The following LOXHD1 variants were observed in gnomAD, a reference collection of about 807,000 sequenced individuals.
LOXHD1 encodes lipoxygenase homology domain-containing protein 1.
Under a neutral mutation model 248.2 loss-of-function variants are expected in LOXHD1, and 205 were observed. The observed-to-expected ratio is 0.83, with a 90% CI of 0.74 to 0.93. The LOEUF is 0.93. Among genes scored for constraint, LOXHD1 ranks in the 40% least tolerant of loss-of-function variants. The probability of loss-of-function intolerance (pLI) is 0.00; values close to 1 mark genes in which losing one functional copy is unlikely to be tolerated. For missense variants in LOXHD1, 2,930 were observed against 2,971.6 expected (o/e 0.99, Z 0.33); for synonymous variants, 1,113 against 1,162.8 (o/e 0.96, Z 0.87).
At chr18:46,487,666 T>C (rs750692772) in intron 38 of LOXHD1, among the ~76,000 whole-genome samples, 5 of 152,172 alleles carry the variant, frequency 3.3e-5, no homozygotes, top group Non-Finnish European at 5.9e-5. Context: ...TTCCCTTCCA[T>C]GGAAGCTATT....
intron 38 of LOXHD1, among the ~76,000 whole-genome samples, chr18:46,488,434 G>T (rs1440397779): frequency 6.6e-6 from 1 of 152,204 alleles, no homozygotes; most frequent in African/African-American, 2.4e-5. Context: ...CTCTGCCTTT[G>T]ACAAGCCTCT....
At chr18:46,492,337 G>A (rs2033546113) in intron 37 of LOXHD1, among the ~76,000 whole-genome samples, 2 of 152,196 alleles carry the variant, frequency 1.3e-5, no homozygotes, top group Non-Finnish European at 1.5e-5. Flanking sequence ...AAGAAAAGAG[G>A]TTTAATTGAC....
At chr18:46,543,650 C>T (rs969605629) in intron 23 of LOXHD1, among the ~76,000 whole-genome samples, 4 of 152,152 alleles carry the variant, frequency 2.6e-5, no homozygotes, top group African/African-American at 7.2e-5. Flanking sequence ...TCACAGTGGG[C>T]ACTTTTTTGG....
chr18:46,591,363 GC>G (rs2038164613), intron 12 of LOXHD1, among the ~76,000 whole-genome samples: 2 of 152,176 alleles, frequency 1.3e-5, no homozygotes, highest in Admixed American at 6.5e-5. Flanking sequence ...AGTAATGTCT[GC>G]CATGTGAAAA....
chr18:46,526,410 G>A (rs2035832587), intron 29 of LOXHD1, among the ~76,000 whole-genome samples: 1 of 152,242 alleles, frequency 6.6e-6, no homozygotes, highest in Admixed American at 6.5e-5. Context: ...CCAAGGGCAA[G>A]TTAAAGCAGT....
At chr18:46,522,675 C>T (rs1433539520) in intron 31 of LOXHD1, among the ~76,000 whole-genome samples, 1 of 152,132 alleles carries the variant, frequency 6.6e-6, no homozygotes, top group African/African-American at 2.4e-5. Context: ...AAAAAGCTCC[C>T]TATGGTCAAC....
chr18:46,584,232 AG>A (rs1242743844), intron 12 of LOXHD1, among the ~76,000 whole-genome samples: 11 of 152,002 alleles, frequency 7.2e-5, no homozygotes, highest in South Asian at 2.1e-4. Flanking sequence ...TGGGGAAAGG[AG>A]GGGGGAGGAG....
chr18:46,541,681 C>T, intron 25 of LOXHD1, 95 bp downstream of exon 25: 1 of 1,415,522 alleles, frequency 7.1e-7, no homozygotes, highest in Non-Finnish European at 9.7e-7. Flanking sequence ...TGGGCCTGGC[C>T]CACAGTCAAT....
At chr18:46,630,600 A>G (rs545862016) in intron 4 of LOXHD1, among the ~76,000 whole-genome samples, 1 of 152,294 alleles carries the variant, frequency 6.6e-6, no homozygotes, top group African/African-American at 2.4e-5. Context: ...TCATTCTTCA[A>G]TACTGCCCCA....
intron 6 of LOXHD1, among the ~76,000 whole-genome samples, chr18:46,608,843 A>G (rs552356044): frequency 6.6e-6 from 1 of 152,194 alleles, no homozygotes; most frequent in Non-Finnish European, 1.5e-5. Context: ...GCCCTCAAGG[A>G]ACTTTCAGAC....
In LOXHD1 at chr18:46,657,139, T is replaced by C; in HGVS notation, c.-106A>G. 1 of 1,527,268 alleles carries C rather than the reference T, an allele frequency of 6.5e-7. No homozygotes were observed. Among genetic ancestry groups the C allele is most frequent in the Non-Finnish European group, 8.8e-7 (1 of 1,134,200 alleles). The allele number at this position is 1,527,268 out of a possible 1,614,324, so 94.6% of individuals were successfully genotyped here. A position where few individuals can be genotyped will look rare whatever the true frequency, so the allele number is the denominator to read the frequency against. On this transcript the variant is annotated 5_prime_UTR_variant, in exon 1 of 41. It adds an upstream start codon to the 5' untranslated region. Coordinates refer to ENST00000642948, the MANE Select transcript of LOXHD1 (RefSeq NM_001384474.1). ...TGAGCTCTGGCGCCCACGGCCCTCC[T>C]ATAGCTCAGGCCTGGGTGGGCCAGA... is the stretch of plus-strand genomic sequence containing the variant.
chr18:46,615,850 G>C (rs536346991), intron 5 of LOXHD1, among the ~76,000 whole-genome samples: 4 of 152,162 alleles, frequency 2.6e-5, no homozygotes, highest in African/African-American at 9.6e-5. Context: ...GTTAATTTTT[G>C]CTTCATATCT....
intron 4 of LOXHD1, among the ~76,000 whole-genome samples, chr18:46,637,615 C>T (rs1362450953): frequency 1.3e-5 from 2 of 152,160 alleles, no homozygotes; most frequent in Non-Finnish European, 2.9e-5. Context: ...CTCTCTCTCT[C>T]TCATACTCAC....
At chr18:46,517,095 A>C (rs1481965094) in intron 34 of LOXHD1, among the ~76,000 whole-genome samples, 1 of 152,156 alleles carries the variant, frequency 6.6e-6, no homozygotes, top group Non-Finnish European at 1.5e-5. Context: ...CTGTGTGTTC[A>C]GAGGCAAGTT....
In LOXHD1 at chr18:46,604,998, CA is replaced by C. The variant is rs879384374; in HGVS notation, c.760-770del. 2.0e-5 allele frequency among the ~76,000 whole-genome samples: 3 copies of C among 151,966 alleles called. No individual in the cohort carries two copies. In the South Asian group the frequency reaches 6.2e-4, roughly 32 times the overall value. ...TCATGTTATATACCTTAAATATACA[CA>C]AAAAAATTTATTTTAAAAATTCGAT... On this transcript the variant is annotated intron_variant, in intron 6 of 40. Coordinates refer to ENST00000642948, the MANE Select transcript of LOXHD1 (RefSeq NM_001384474.1).
chr18:46,563,978 C>A (rs899552084), intron 17 of LOXHD1, among the ~76,000 whole-genome samples: 1 of 151,792 alleles, frequency 6.6e-6, no homozygotes, highest in Non-Finnish European at 1.5e-5. Context: ...CTACAAAAGA[C>A]GAAAAGCAAT....
chr18:46,628,745 C>T (rs530347344), intron 4 of LOXHD1, among the ~76,000 whole-genome samples: 4 of 152,214 alleles, frequency 2.6e-5, no homozygotes, highest in Non-Finnish European at 5.9e-5. Context: ...ACAAGCACCA[C>T]GCTATTGTGT....
chr18:46,496,576 C>T (rs1433182881), intron 37 of LOXHD1, among the ~76,000 whole-genome samples: 1 of 152,114 alleles, frequency 6.6e-6, no homozygotes, highest in Non-Finnish European at 1.5e-5. Context: ...CATGTTTAGC[C>T]ATCTTAGCTT....
rs780643242 is a variant in LOXHD1, at chr18:46,559,640, G to C, written c.3062-38C>G. The C allele has an allele frequency of 7.1e-6, 11 of 1,545,280 alleles. No individual in the cohort carries two copies. In the South Asian group the frequency reaches 9.6e-5, roughly 13 times the overall value. On this transcript the variant is annotated intron_variant, in intron 19 of 40. Coordinates refer to ENST00000642948, the MANE Select transcript of LOXHD1 (RefSeq NM_001384474.1). ...AAAGATGCAGTGTGGAGGGCCTCAT[G>C]GCCATGGGGTGTTTGGACCTGAGGC...
Sources: allele counts gnomAD v4.1 joint callset (sites outside exome capture counted in the v4.1 genomes callset), GRCh38; gene constraint gnomAD v4.1.1; transcripts MANE v1.5; gene names NCBI Gene and HGNC (gene_info 2026-07-23, HGNC 2026-07-21).